The following CTNNA3 variants were observed in gnomAD, a reference collection of about 807,000 sequenced individuals.
CTNNA3 encodes catenin alpha-3.
CTNNA3 carries 76 observed loss-of-function variants against 95.7 expected under a neutral mutation model. The ratio of observed to expected loss-of-function variants is 0.79; its 90% CI spans 0.66 to 0.96. CTNNA3 has a LOEUF of 0.96. CTNNA3 is among the 40% of genes least tolerant of loss of function. The pLI is 0.00. For missense variants in CTNNA3, 1,191 were observed against 1,089.8 expected, an observed-to-expected ratio of 1.09 and a Z score of -1.31; for synonymous variants, 431 against 374.4, an observed-to-expected ratio of 1.15 and a Z score of -1.74.
intron 10 of CTNNA3, among the ~76,000 whole-genome samples, chr10:66,548,930 G>A (rs942791447): frequency 4.0e-5 from 6 of 148,396 alleles, no homozygotes; most frequent in African/African-American, 1.5e-4. Flanking sequence ...TAATGGAAAG[G>A]TTTTGCTATT....
intron 7 of CTNNA3, among the ~76,000 whole-genome samples, chr10:67,035,314 T>C (rs748420498): frequency 8.5e-5 from 13 of 152,226 alleles, no homozygotes; most frequent in Non-Finnish European, 1.6e-4. Context: ...AACATCATCA[T>C]ATTTACTGTT....
At chr10:67,570,374 T>A (rs7068338) in intron 3 of CTNNA3, among the ~76,000 whole-genome samples, 2 of 151,830 alleles carry the variant, frequency 1.3e-5, no homozygotes, top group Non-Finnish European at 2.9e-5. Flanking sequence ...AGTTGCTATA[T>A]TGACAACTTT....
At chr10:65,945,261 T>C (rs2077499263) in intron 17 of CTNNA3, among the ~76,000 whole-genome samples, 3 of 152,062 alleles carry the variant, frequency 2.0e-5, no homozygotes. Context: ...TGGTTGGAAT[T>C]TGTTATGACA....
At position 65,966,310 on chromosome 10, in the gene CTNNA3, T is replaced by C. The variant is rs948386136; in HGVS notation, c.2400+302A>G. 3.9e-5 allele frequency among the ~76,000 whole-genome samples: 6 copies of C among 152,192 alleles called. No individual in the cohort carries two copies. The South Asian group carries it at 8.3e-4, about 21-fold the overall frequency. ...TTATAGGATTCATTCCGGAGTTCCA[T>C]CTGTACACATTCTGAAGTCATGCTC... On this transcript the variant is annotated intron_variant, in intron 17 of 17. Coordinates refer to ENST00000433211, the MANE Select transcript of CTNNA3 (RefSeq NM_013266.4).
intron 10 of CTNNA3, among the ~76,000 whole-genome samples, chr10:66,550,990 C>A (rs1842198021): frequency 6.6e-6 from 1 of 151,508 alleles, no homozygotes; most frequent in African/African-American, 2.4e-5. Context: ...ATTGAAAACC[C>A]CACCAGATAA....
chr10:67,184,839 T>G (rs997070360), intron 6 of CTNNA3, among the ~76,000 whole-genome samples: 1 of 152,218 alleles, frequency 6.6e-6, no homozygotes, highest in Admixed American at 6.5e-5. Flanking sequence ...GAATTCACAT[T>G]GCTGATAGAG....
chr10:67,103,902 A>AAAC (rs199969712), intron 7 of CTNNA3, among the ~76,000 whole-genome samples: 59 of 151,822 alleles, frequency 3.9e-4, no homozygotes, highest in African/African-American at 1.3e-3. Context: ...CTAATGGAAA[A>AAAC]AACAACAACA....
At chr10:66,428,829 T>G (rs1168757923) in intron 11 of CTNNA3, among the ~76,000 whole-genome samples, 2 of 151,216 alleles carry the variant, frequency 1.3e-5, no homozygotes, top group African/African-American at 4.9e-5. Flanking sequence ...CACCCTAACA[T>G]CACAATTAAA....
intron 3 of CTNNA3, among the ~76,000 whole-genome samples, chr10:67,585,873 T>C (rs192406549): frequency 4.1e-4 from 63 of 152,138 alleles, no homozygotes; most frequent in African/African-American, 1.4e-3. Context: ...TAATTTGGGG[T>C]TTTGTTTGTT....
intron 3 of CTNNA3, among the ~76,000 whole-genome samples, chr10:67,562,780 C>A (rs1273127275): frequency 6.6e-6 from 1 of 152,166 alleles, no homozygotes; most frequent in East Asian, 1.9e-4. Context: ...TGATAAGCAA[C>A]TTCAACAAAG....
At chr10:67,329,418 T>C (rs746432809) in intron 5 of CTNNA3, among the ~76,000 whole-genome samples, 1 of 152,184 alleles carries the variant, frequency 6.6e-6, no homozygotes, top group Non-Finnish European at 1.5e-5. Context: ...AGTAACATAC[T>C]TAAAGTACAT....
In CTNNA3 at chr10:66,780,781, A is replaced by G. The variant is rs186276501; in HGVS notation, c.1048-5257T>C. Among the ~76,000 whole-genome samples the G allele has an allele frequency of 2.6e-3, 399 of 152,360 alleles. 2 individuals are homozygous for G. Among genetic ancestry groups the G allele is most frequent in the African/African-American group, 8.9e-3 (371 of 41,584 alleles). On this transcript the variant is annotated intron_variant, in intron 7 of 17. Coordinates refer to ENST00000433211, the MANE Select transcript of CTNNA3 (RefSeq NM_013266.4). ...CTCAACAGTTATTTGTTAAATAAAT[A>G]GAGAAATAGAAGACTGGATAAGGTT... is the stretch of plus-strand genomic sequence containing the variant.
chr10:67,683,279 G>A (rs186446827), intron 1 of CTNNA3, among the ~76,000 whole-genome samples: 5 of 152,278 alleles, frequency 3.3e-5, no homozygotes, highest in Admixed American at 2.0e-4. Flanking sequence ...GTTGGTTTAT[G>A]TATTACTCTG....
chr10:67,444,861 C>T (rs547562323), intron 5 of CTNNA3, among the ~76,000 whole-genome samples: 4 of 152,056 alleles, frequency 2.6e-5, no homozygotes, highest in Non-Finnish European at 5.9e-5. Context: ...AAATCCAAAA[C>T]CTGAAGAGAC....
intron 11 of CTNNA3, 80 bp downstream of exon 11, chr10:66,520,537 C>T: frequency 7.8e-7 from 1 of 1,278,150 alleles, no homozygotes; most frequent in Non-Finnish European, 1.1e-6. Context: ...CAGGCATGAG[C>T]CACCATGCCT....
intron 9 of CTNNA3, among the ~76,000 whole-genome samples, chr10:66,687,507 C>T (rs927538727): frequency 6.6e-6 from 1 of 151,956 alleles, no homozygotes; most frequent in Non-Finnish European, 1.5e-5. Flanking sequence ...CTAATATATA[C>T]CTTATACTAC....
chr10:67,266,551 A>C (rs1451047538), intron 5 of CTNNA3, among the ~76,000 whole-genome samples: 1 of 152,152 alleles, frequency 6.6e-6, no homozygotes, highest in Non-Finnish European at 1.5e-5. Flanking sequence ...TCTAATATTG[A>C]ATATTAGATT....
At chr10:66,575,666 G>T (rs1842983598) in intron 10 of CTNNA3, among the ~76,000 whole-genome samples, 1 of 152,120 alleles carries the variant, frequency 6.6e-6, no homozygotes, top group Non-Finnish European at 1.5e-5. Flanking sequence ...AAACTCCAAA[G>T]CCTGTGCTCT....
At chr10:67,432,868 C>A (rs556774866) in intron 5 of CTNNA3, among the ~76,000 whole-genome samples, 11 of 152,138 alleles carry the variant, frequency 7.2e-5, no homozygotes, top group Non-Finnish European at 1.5e-4. Context: ...ATGTTTCTGT[C>A]TGATTTTGGC....
Sources: allele counts gnomAD v4.1 joint callset (sites outside exome capture counted in the v4.1 genomes callset), GRCh38; gene constraint gnomAD v4.1.1; transcripts MANE v1.5; gene names NCBI Gene and HGNC (gene_info 2026-07-23, HGNC 2026-07-21).